The following UBE2J2 variants were observed in gnomAD, a reference collection of about 807,000 sequenced individuals.
UBE2J2 encodes ubiquitin-conjugating enzyme E2 J2.
Under a neutral mutation model 28.6 loss-of-function variants are expected in UBE2J2, and 5 were observed. The observed-to-expected ratio is 0.17, with a 90% confidence interval of 0.09 to 0.37. The LOEUF (loss-of-function observed/expected upper bound fraction) is 0.37, where lower values mean the gene tolerates loss of function less well. Among genes scored for constraint, UBE2J2 ranks in the 10% least tolerant of loss-of-function variants. UBE2J2 has a pLI of 1.00. For missense variants in UBE2J2, 226 were observed against 338.9 expected (o/e 0.67, Z 2.62); for synonymous variants, 138 against 139.7 (o/e 0.99, Z 0.09).
intron 1 of UBE2J2, among the ~76,000 whole-genome samples, chr1:1,270,300 G>C (rs1640083062): frequency 1.3e-5 from 2 of 152,170 alleles, no homozygotes; most frequent in Non-Finnish European, 2.9e-5. Context: ...ACCTGCAAGA[G>C]ATCTACAGAC....
chr1:1,267,005 C>T (rs917961054), intron 2 of UBE2J2, among the ~76,000 whole-genome samples: 1 of 151,862 alleles, frequency 6.6e-6, no homozygotes. Context: ...TCTCCTGCCT[C>T]GGCTTCCCGA....
chr1:1,255,043 C>T lies in UBE2J2; in HGVS notation c.*160G>A. On this transcript the variant is annotated 3_prime_UTR_variant, in exon 7 of 7. Coordinates refer to ENST00000349431, the MANE Select transcript of UBE2J2 (RefSeq NM_058167.3). ...TGAGGCTCCAGTCTCCTCCAAAGCC[C>T]AGTCACACATTTTGGTTTTTGCTTC... 1.3e-6 allele frequency: 1 copy of T among 752,786 alleles called. No individual in the cohort carries two copies. The highest frequency in any genetic ancestry group is 2.1e-6 in the Non-Finnish European group (1 of 480,792). 46.6% of individuals were successfully genotyped at this position (752,786 alleles called of 1,614,324 possible). A position where few individuals can be genotyped will look rare whatever the true frequency, so the allele number is the denominator to read the frequency against.
chr1:1,265,603 TTGTG>T (rs57125925), intron 2 of UBE2J2, among the ~76,000 whole-genome samples: 5,900 of 120,942 alleles, frequency 0.049, 153 homozygotes, highest in Middle Eastern at 0.094. Context: ...TTTCTCTCCA[TTGTG>T]TGTGTGTGTG....
chr1:1,262,967 C>G, intron 3 of UBE2J2: 1 of 194,784 alleles, frequency 5.1e-6, no homozygotes, highest in Non-Finnish European at 1.1e-5. Context: ...ACCCTGGGGG[C>G]GCCCAGCACA....
chr1:1,265,525 C>T (rs1218248470), intron 2 of UBE2J2, among the ~76,000 whole-genome samples: 1 of 151,870 alleles, frequency 6.6e-6, no homozygotes, highest in Non-Finnish European at 1.5e-5. Flanking sequence ...GAGACTTTGC[C>T]CCACATGCCT....
At chr1:1,265,164 GAGA>G (rs1453400951) in intron 2 of UBE2J2, among the ~76,000 whole-genome samples, 1 of 152,196 alleles carries the variant, frequency 6.6e-6, no homozygotes, top group Non-Finnish European at 1.5e-5. Context: ...GGGCGGCTGA[GAGA>G]AGATGGGATC....
chr1:1,267,587 C>G (rs961622432), intron 2 of UBE2J2: 2 of 718,748 alleles, frequency 2.8e-6, no homozygotes, highest in East Asian at 9.0e-5. Context: ...CCTGAGTCAA[C>G]CTGGACCCCG....
At chr1:1,263,537 C>T (rs555183378) in intron 2 of UBE2J2, 151 bp from the exon 3 acceptor site, 39 of 708,724 alleles carry the variant, frequency 5.5e-5, no homozygotes, top group African/African-American at 5.4e-4. Context: ...CACAGCCACA[C>T]GGCTTCAAAA....
intron 2 of UBE2J2, among the ~76,000 whole-genome samples, chr1:1,266,482 C>G (rs912078841): frequency 6.6e-6 from 1 of 151,766 alleles, no homozygotes; most frequent in African/African-American, 2.4e-5. Context: ...GCCGAGATCA[C>G]GCCATTGCAC....
chr1:1,261,658 T>A (rs543535646), intron 3 of UBE2J2, among the ~76,000 whole-genome samples: 1 of 151,942 alleles, frequency 6.6e-6, no homozygotes, highest in African/African-American at 2.4e-5. Context: ...TTGGTTTTTT[T>A]TTTTTTTTTT....
Position 1,255,109 on chromosome 1 carries a change from G to T in UBE2J2, c.*94C>A. On this transcript the variant is annotated 3_prime_UTR_variant, in exon 7 of 7. Coordinates refer to ENST00000349431, the MANE Select transcript of UBE2J2 (RefSeq NM_058167.3). ...AAAAGCTAAACCTAGGAGCCTGGTG[G>T]GTCTGCCTGTGCTGGGCAGTGTGTC... 1.5e-6 allele frequency: 2 copies of T among 1,338,818 alleles called. No homozygotes were observed. The highest frequency in any genetic ancestry group is 2.0e-6 in the Non-Finnish European group (2 of 994,480). The allele number at this position is 1,338,818 out of a possible 1,614,324, so 82.9% of individuals were successfully genotyped here.
At chr1:1,255,996 C>A in intron 6 of UBE2J2, 49 bp downstream of exon 6, 1 of 1,295,074 alleles carries the variant, frequency 7.7e-7, no homozygotes, top group Non-Finnish European at 1.1e-6. Flanking sequence ...AGGTGAAACT[C>A]AAGTGTTTTA....
chr1:1,273,733 T>A lies in UBE2J2; in HGVS notation c.-68A>T, dbSNP rs915070043. On this transcript the variant is annotated 5_prime_UTR_variant, in exon 1 of 7. Transcript: ENST00000349431. ...CGCCGTAGTCGAGGCCGGAGCAGGG[T>A]GCGGAAAAGCGGGGCCCGCGCCCGA... is the stretch of plus-strand genomic sequence containing the variant. 1.3e-5 allele frequency: 2 copies of A among 152,020 alleles called. No individual in the cohort carries two copies. Among genetic ancestry groups the A allele is most frequent in the Non-Finnish European group, 3.0e-5 (2 of 67,738 alleles). 9.4% of individuals were successfully genotyped at this position (152,020 alleles called of 1,614,324 possible).
At chr1:1,266,585 G>A (rs921367380) in intron 2 of UBE2J2, among the ~76,000 whole-genome samples, 3 of 151,994 alleles carry the variant, frequency 2.0e-5, no homozygotes, top group Admixed American at 1.3e-4. Flanking sequence ...ATTCTGGGAG[G>A]CCAAGGCGGG....
chr1:1,272,044 C>T (rs1241020679), intron 1 of UBE2J2, among the ~76,000 whole-genome samples: 3 of 147,458 alleles, frequency 2.0e-5, no homozygotes, highest in Non-Finnish European at 4.4e-5. Flanking sequence ...ATCCCAGCTA[C>T]TCTGGAGGCT....
At chr1:1,255,965 C>T in intron 6 of UBE2J2, 80 bp downstream of exon 6, 3 of 1,078,998 alleles carry the variant, frequency 2.8e-6, no homozygotes, top group Non-Finnish European at 4.3e-6. Flanking sequence ...CTTCAGGACA[C>T]AGATTTTACT....
chr1:1,261,655 T>G (rs973627115), intron 3 of UBE2J2, among the ~76,000 whole-genome samples: 1 of 151,554 alleles, frequency 6.6e-6, no homozygotes, highest in Non-Finnish European at 1.5e-5. Context: ...ATTTTGGTTT[T>G]TTTTTTTTTT....
At chr1:1,269,056 A>T (rs1416536519) in intron 1 of UBE2J2, among the ~76,000 whole-genome samples, 3 of 152,166 alleles carry the variant, frequency 2.0e-5, no homozygotes, top group Admixed American at 6.5e-5. Flanking sequence ...CTCCATTGGG[A>T]CGTTCAAGAC....
At chr1:1,267,676 T>C (rs1041055969) in intron 2 of UBE2J2, 186 bp downstream of exon 2, 14 of 1,385,432 alleles carry the variant, frequency 1.0e-5, no homozygotes, top group Admixed American at 5.7e-5. Flanking sequence ...GTCCCCGGCA[T>C]GCGTCCATTG....
Sources: allele counts gnomAD v4.1 joint callset (sites outside exome capture counted in the v4.1 genomes callset), GRCh38; gene constraint gnomAD v4.1.1; transcripts MANE v1.5; gene names NCBI Gene and HGNC (gene_info 2026-07-23, HGNC 2026-07-21).